FGD3: variants seen among roughly 807,000 people sequenced by gnomAD.
FGD3 encodes FYVE, RhoGEF and PH domain-containing protein 3.
Under a neutral mutation model 71.8 loss-of-function variants are expected in FGD3, and 45 were observed. That is an observed-to-expected ratio of 0.63 (90% CI 0.49 to 0.80). The LOEUF is 0.80. Ranked by LOEUF, FGD3 falls within the 30% of genes least tolerant of loss-of-function variation. The pLI, the probability that FGD3 is intolerant of heterozygous loss-of-function variation, is 0.00. For missense variants in FGD3, 844 were observed against 951.5 expected (o/e 0.89, Z 1.49); for synonymous variants, 378 against 392.8 (o/e 0.96, Z 0.44).
At chr9:93,033,699 T>C (rs1862468042) in intron 16 of FGD3, 1 of 152,838 alleles carries the variant, frequency 6.5e-6, no homozygotes, top group Non-Finnish European at 1.5e-5. Context: ...CGGTTTGCAG[T>C]GCCAGCTGCA....
chr9:92,969,122 C>T lies in FGD3; in HGVS notation c.-217-6116C>T, dbSNP rs887309207. Among the ~76,000 whole-genome samples, 1 of 152,254 alleles carries T rather than the reference C, an allele frequency of 6.6e-6. No homozygotes were observed. The highest frequency in any genetic ancestry group is 2.4e-5 in the African/African-American group (1 of 41,470). On this transcript the variant is annotated intron_variant, in intron 1 of 17. Coordinates refer to ENST00000375482, the MANE Select transcript of FGD3 (RefSeq NM_001083536.2). The surrounding 1 kb of genome is among the most constrained non-coding windows in gnomAD (Gnocchi z 4.5). ...TTACAGTATTGCCTGGATTCTCTATCACAGGGTAACCCACAAGGGAGATCT... is the reference window on the plus strand; with the variant it reads ...TTACAGTATTGCCTGGATTCTCTATTACAGGGTAACCCACAAGGGAGATCT...
At chr9:93,010,973 G>A (rs912335741) in intron 7 of FGD3, among the ~76,000 whole-genome samples, 7 of 152,108 alleles carry the variant, frequency 4.6e-5, no homozygotes, top group Non-Finnish European at 1.0e-4. Flanking sequence ...CCGGACAGGC[G>A]TCTGTGCAGA....
chr9:93,022,410 G>C (rs754885693), intron 14 of FGD3, 21 bp downstream of exon 14: 2 of 1,609,338 alleles, frequency 1.2e-6, no homozygotes, highest in Non-Finnish European at 1.7e-6. Context: ...CATGCTCAGC[G>C]GTCAGCAGGG....
At chr9:92,993,582 A>G (rs1216022244) in intron 3 of FGD3, among the ~76,000 whole-genome samples, 1 of 152,128 alleles carries the variant, frequency 6.6e-6, no homozygotes, top group African/African-American at 2.4e-5. Flanking sequence ...CATCATTTAC[A>G]TTAGGTAAAT....
chr9:93,029,080 C>T (rs10992594), intron 14 of FGD3, among the ~76,000 whole-genome samples: 2 of 125,136 alleles, frequency 1.6e-5, no homozygotes, highest in African/African-American at 6.1e-5. Context: ...GGTGCAATGG[C>T]GGGATCTCAG....
At position 93,003,975 on chromosome 9, in the gene FGD3, C is replaced by T; in HGVS notation, c.544-26C>T. 1.2e-6 allele frequency: 2 copies of T among 1,613,258 alleles called. No homozygotes were observed. The highest frequency in any genetic ancestry group is 1.7e-6 in the Non-Finnish European group (2 of 1,179,642). ...GTGCTCAGTGGAAGAGGCTCACTGGCCACACGTGGGCTTCTCTATGCTCAG... is the reference window on the plus strand; with the variant it reads ...GTGCTCAGTGGAAGAGGCTCACTGGTCACACGTGGGCTTCTCTATGCTCAG... On this transcript the variant is annotated intron_variant, in intron 4 of 17. Transcript: ENST00000375482. The surrounding 1 kb of genome is among the most constrained non-coding windows in gnomAD (Gnocchi z 4.1).
chr9:92,953,260 G>C (rs1368414732), intron 1 of FGD3, among the ~76,000 whole-genome samples: 1 of 151,858 alleles, frequency 6.6e-6, no homozygotes, highest in Non-Finnish European at 1.5e-5. Flanking sequence ...CAGCACTTTT[G>C]TGTAAGTATA....
chr9:92,989,257 G>A lies in FGD3; in HGVS notation c.453+12548G>A, dbSNP rs372414571. Reference sequence around the variant, plus strand: ...GTAGAGACGGGGTTTCACCATGTTAGCCAGGATGGTCTTGATCTCCTGACC... The same window carrying A: ...GTAGAGACGGGGTTTCACCATGTTAACCAGGATGGTCTTGATCTCCTGACC... On this transcript the variant is annotated intron_variant, in intron 3 of 17. Transcript: ENST00000375482. Among the ~76,000 whole-genome samples the A allele has an allele frequency of 2.0e-3, 306 of 152,198 alleles. 1 individual carries two copies. The highest frequency in any genetic ancestry group is 7.0e-3 in the African/African-American group (290 of 41,514).
At chr9:92,962,202 C>T (rs1219402623) in intron 1 of FGD3, among the ~76,000 whole-genome samples, 1 of 152,224 alleles carries the variant, frequency 6.6e-6, no homozygotes, top group East Asian at 1.9e-4. Context: ...TTGTTCCTTA[C>T]CTACCACAAC....
chr9:93,009,030 C>T (rs1055040825), intron 6 of FGD3, among the ~76,000 whole-genome samples: 9 of 151,440 alleles, frequency 5.9e-5, no homozygotes, highest in African/African-American at 1.7e-4. Context: ...TTTGGGAGAC[C>T]GAGGTAGGCA....
chr9:93,016,742 C>T (rs1861712808), intron 10 of FGD3, among the ~76,000 whole-genome samples: 1 of 152,014 alleles, frequency 6.6e-6, no homozygotes, highest in Non-Finnish European at 1.5e-5. Context: ...TCCTGCTTCA[C>T]CCTCCAGAAT....
chr9:92,948,380 T>C (rs1320322777), intron 1 of FGD3, among the ~76,000 whole-genome samples: 2 of 152,232 alleles, frequency 1.3e-5, no homozygotes, highest in Non-Finnish European at 1.5e-5. Flanking sequence ...GTTCTTCGGA[T>C]AGACATGGGC....
intron 6 of FGD3, among the ~76,000 whole-genome samples, chr9:93,009,798 G>A (rs1056015906): frequency 3.3e-5 from 5 of 152,188 alleles, no homozygotes; most frequent in African/African-American, 4.8e-5. Flanking sequence ...AGGACTCCCC[G>A]AGCTGCTTCT....
chr9:93,013,615 C>A (rs931169852), intron 8 of FGD3, among the ~76,000 whole-genome samples: 4 of 152,222 alleles, frequency 2.6e-5, no homozygotes, highest in Non-Finnish European at 5.9e-5. Context: ...GCACATGGCT[C>A]ACAGCAATGG....
intron 8 of FGD3, among the ~76,000 whole-genome samples, chr9:93,012,682 G>C (rs918161067): frequency 8.1e-6 from 1 of 123,268 alleles, no homozygotes; most frequent in Non-Finnish European, 1.7e-5. Flanking sequence ...AGGTGTGGGC[G>C]GTGGCGGGGT....
In FGD3 at chr9:93,006,031, A is replaced by T. The variant is rs753148267; in HGVS notation, c.688A>T (p.Asn230Tyr). Residue 230 changes from asparagine to tyrosine, a missense_variant, in exon 6 of 18, where the codon AAC becomes TAC. Transcript: ENST00000375482. ...KTRITEEWDTNPRLGDILQKL... is the reference protein window; with the variant it reads ...KTRITEEWDTYPRLGDILQKL... ...ATTCATTTCTCCACGAAGGGACACA[A>T]ACCCACGGCTCGGGGACATCCTGCA... 3 of 1,603,470 alleles carry T rather than the reference A, an allele frequency of 1.9e-6. No homozygotes were observed. In the South Asian group the frequency reaches 3.3e-5, roughly 18 times the overall value.
chr9:93,034,229 T>C (rs1862495647), intron 16 of FGD3: 2 of 306,416 alleles, frequency 6.5e-6, no homozygotes, highest in Middle Eastern at 1.7e-3. Context: ...CCCTGTCCCG[T>C]GACCCACCCT....
At chr9:92,949,099 G>A (rs1483081639) in intron 1 of FGD3, among the ~76,000 whole-genome samples, 3 of 152,138 alleles carry the variant, frequency 2.0e-5, no homozygotes, top group African/African-American at 7.2e-5. Flanking sequence ...TCGTGGTACT[G>A]GCTTTTCTCT....
intron 1 of FGD3, among the ~76,000 whole-genome samples, chr9:92,957,099 C>T (rs1423423102): frequency 2.6e-5 from 4 of 152,214 alleles, no homozygotes; most frequent in African/African-American, 9.7e-5. Flanking sequence ...TACGCATTCT[C>T]CAGTTGTCAG....
Sources: gnomAD v4.1 joint callset for allele counts (sites outside exome capture counted in the v4.1 genomes callset) on GRCh38, gnomAD v4.1.1 for gene constraint, Gnocchi (gnomAD v3.1) non-coding constraint, MANE v1.5 for transcripts, NCBI Gene and HGNC (gene_info 2026-07-23, HGNC 2026-07-21) for gene names.